Variants in KCNQ5 observed in about 807,000 individuals in gnomAD.
KCNQ5 encodes potassium voltage-gated channel subfamily KQT member 5.
Under a neutral mutation model 98.2 loss-of-function variants are expected in KCNQ5, and 30 were observed. That is an observed-to-expected ratio of 0.31 (90% CI 0.23 to 0.41). KCNQ5 has a LOEUF of 0.41. KCNQ5 is among the 10% of genes least tolerant of loss of function. KCNQ5 has a pLI of 1.00. For synonymous variants in KCNQ5, 458 were observed against 449.4 expected (o/e 1.02, Z -0.24); for missense variants, 835 against 1,182.5 (o/e 0.71, Z 4.31).
At chr6:72,808,404 G>A (rs77574559) in intron 1 of KCNQ5, among the ~76,000 whole-genome samples, 7,480 of 152,052 alleles carry the variant, frequency 0.049, 572 homozygotes, top group African/African-American at 0.16. Flanking sequence ...CAACCAAACC[G>A]GAATACAAGG....
chr6:73,111,761 A>C (rs1775250727), intron 7 of KCNQ5, among the ~76,000 whole-genome samples: 1 of 152,192 alleles, frequency 6.6e-6, no homozygotes, highest in Non-Finnish European at 1.5e-5. Context: ...AGAACAGGGC[A>C]TTGTTCCCTG....
intron 1 of KCNQ5, among the ~76,000 whole-genome samples, chr6:72,915,701 C>T (rs1780107295): frequency 6.6e-6 from 1 of 151,706 alleles, no homozygotes; most frequent in Admixed American, 6.6e-5. Flanking sequence ...CACAATCACG[C>T]ACACACACAC....
At chr6:72,858,839 C>T (rs1777636988) in intron 1 of KCNQ5, among the ~76,000 whole-genome samples, 1 of 151,982 alleles carries the variant, frequency 6.6e-6, no homozygotes, top group South Asian at 2.1e-4. Flanking sequence ...AGCATAAAAA[C>T]TGGTGAAATT....
intron 1 of KCNQ5, among the ~76,000 whole-genome samples, chr6:72,634,088 T>C (rs1582014185): frequency 6.6e-6 from 1 of 152,216 alleles, no homozygotes; most frequent in South Asian, 2.1e-4. Context: ...TTGTGGATGG[T>C]ACGTGTGGGC....
chr6:72,840,421 A>G (rs968124163), intron 1 of KCNQ5, among the ~76,000 whole-genome samples: 10 of 152,276 alleles, frequency 6.6e-5, no homozygotes, highest in Middle Eastern at 3.4e-3. Context: ...TATACACAAA[A>G]CTTGGAGTCC....
At chr6:73,183,028 G>A (rs78329543) in intron 11 of KCNQ5, among the ~76,000 whole-genome samples, 2,959 of 152,248 alleles carry the variant, frequency 0.019, 78 homozygotes, top group African/African-American at 0.067. Flanking sequence ...AAAGGCAGAT[G>A]TTTTCCAAGT....
intron 3 of KCNQ5, among the ~76,000 whole-genome samples, chr6:73,049,685 G>A (rs540861574): frequency 9.2e-5 from 14 of 152,240 alleles, no homozygotes; most frequent in African/African-American, 2.6e-4. Context: ...TTCAAGATCC[G>A]TATTTTCAGC....
chr6:72,669,398 G>C (rs75483160), intron 1 of KCNQ5, among the ~76,000 whole-genome samples: 2,697 of 152,244 alleles, frequency 0.018, 66 homozygotes, highest in African/African-American at 0.059. Context: ...ATTGTCTTTG[G>C]CTTGAATAAT....
chr6:72,978,843 A>G (rs1768285108), intron 1 of KCNQ5, among the ~76,000 whole-genome samples: 1 of 152,146 alleles, frequency 6.6e-6, no homozygotes, highest in Non-Finnish European at 1.5e-5. Flanking sequence ...TGACCCCACA[A>G]CAGGCCCCAG....
At chr6:72,845,011 C>A (rs1296966882) in intron 1 of KCNQ5, among the ~76,000 whole-genome samples, 2 of 152,268 alleles carry the variant, frequency 1.3e-5, no homozygotes, top group African/African-American at 4.8e-5. Flanking sequence ...ACTATAATTG[C>A]AACTGCCAAA....
Position 72,983,914 on chromosome 6 carries a change from C to T in KCNQ5, c.399-19994C>T, listed in dbSNP as rs180907016. Among the ~76,000 whole-genome samples the T allele has an allele frequency of 2.3e-3, 357 of 152,218 alleles. 2 individuals are homozygous for T. The highest frequency in any genetic ancestry group is 0.017 in the Middle Eastern group (5 of 294). On this transcript the variant is annotated intron_variant, in intron 1 of 13. Transcript: ENST00000370398. ...CTATTCCTTTCTGTTTGTTAATTTTCCTTCTAACAGTCAGGTCCCTCAGCT... is the reference window on the plus strand; with the variant it reads ...CTATTCCTTTCTGTTTGTTAATTTTTCTTCTAACAGTCAGGTCCCTCAGCT...
intron 1 of KCNQ5, among the ~76,000 whole-genome samples, chr6:72,839,450 G>A (rs1776688292): frequency 6.6e-6 from 1 of 152,056 alleles, no homozygotes. Context: ...TGTTTTCCTG[G>A]CTGTTTGTCA....
chr6:73,055,068 C>G, intron 3 of KCNQ5: 1 of 655,108 alleles, frequency 1.5e-6, no homozygotes. Context: ...AGAGCCAAAT[C>G]AAGAATGCTA....
At chr6:72,770,755 T>C (rs912329235) in intron 1 of KCNQ5, among the ~76,000 whole-genome samples, 2 of 152,182 alleles carry the variant, frequency 1.3e-5, no homozygotes, top group African/African-American at 4.8e-5. Flanking sequence ...AGTTTTATCA[T>C]TTTCAGTTGT....
chr6:72,878,431 C>T (rs1273369994), intron 1 of KCNQ5, among the ~76,000 whole-genome samples: 1 of 152,016 alleles, frequency 6.6e-6, no homozygotes, highest in African/African-American at 2.4e-5. Context: ...CTTTTTTTCC[C>T]CCCTTACAGA....
intron 1 of KCNQ5, among the ~76,000 whole-genome samples, chr6:73,000,328 G>A (rs1769504325): frequency 6.6e-6 from 1 of 152,156 alleles, no homozygotes; most frequent in African/African-American, 2.4e-5. Context: ...AGAGCAGAAT[G>A]TGTTCATTGT....
intron 1 of KCNQ5, among the ~76,000 whole-genome samples, chr6:72,963,490 T>C (rs984720806): frequency 6.6e-6 from 1 of 152,198 alleles, no homozygotes; most frequent in African/African-American, 2.4e-5. Context: ...AATCAATTGA[T>C]ATCTGCATTT....
chr6:72,955,738 C>T (rs1004955062), intron 1 of KCNQ5, among the ~76,000 whole-genome samples: 4 of 152,078 alleles, frequency 2.6e-5, no homozygotes, highest in Non-Finnish European at 5.9e-5. Flanking sequence ...TAACATAAAA[C>T]TGGGTCTTCT....
At chr6:73,177,075 A>T (rs1356348195) in intron 11 of KCNQ5, among the ~76,000 whole-genome samples, 1 of 152,228 alleles carries the variant, frequency 6.6e-6, no homozygotes, top group African/African-American at 2.4e-5. Flanking sequence ...AGCCAGAGGA[A>T]GAAAGTGTTT....
Sources: gnomAD v4.1 joint callset for allele counts (sites outside exome capture counted in the v4.1 genomes callset) on GRCh38, gnomAD v4.1.1 for gene constraint, MANE v1.5 for transcripts, NCBI Gene and HGNC (gene_info 2026-07-23, HGNC 2026-07-21) for gene names.